The following ANTXR1 variants were observed in gnomAD, a reference collection of about 807,000 sequenced individuals.
ANTXR1 encodes anthrax toxin receptor 1.
Under a neutral mutation model 78.1 loss-of-function variants are expected in ANTXR1, and 19 were observed. That is an observed-to-expected ratio of 0.24 (90% CI 0.17 to 0.36). ANTXR1 has a LOEUF of 0.36. Ranked by LOEUF, ANTXR1 falls within the 10% of genes least tolerant of loss-of-function variation. The probability of loss-of-function intolerance (pLI) is 1.00; values close to 1 mark genes in which losing one functional copy is unlikely to be tolerated. For synonymous variants in ANTXR1, 273 were observed against 260.5 expected (o/e 1.05, Z -0.46); for missense variants, 518 against 718.6 (o/e 0.72, Z 3.19).
intron 13 of ANTXR1, among the ~76,000 whole-genome samples, chr2:69,163,332 CGT>C (rs1486716742): frequency 1.3e-5 from 2 of 151,282 alleles, no homozygotes; most frequent in African/African-American, 4.9e-5. Flanking sequence ...AAGCAATTTG[CGT>C]GGTTCCAAAT....
chr2:69,081,577 T>C (rs1670903352), intron 8 of ANTXR1, among the ~76,000 whole-genome samples: 1 of 152,208 alleles, frequency 6.6e-6, no homozygotes, highest in Non-Finnish European at 1.5e-5. Flanking sequence ...CATTATCCCT[T>C]TTTCCCATAT....
chr2:69,227,854 C>A (rs1573991238), intron 17 of ANTXR1, among the ~76,000 whole-genome samples: 2 of 152,190 alleles, frequency 1.3e-5, no homozygotes, highest in Admixed American at 1.3e-4. Context: ...GCAAAGGAAG[C>A]CACACCCACC....
chr2:69,108,580 G>A lies in ANTXR1; in HGVS notation c.802+5640G>A, dbSNP rs553507949. ...TTTCATCACCCAGGTATTAAGCCTA[G>A]TACCCATTAGTTATTTTTCCTGATC... On this transcript the variant is annotated intron_variant, in intron 10 of 17. Coordinates refer to ENST00000303714, the MANE Select transcript of ANTXR1 (RefSeq NM_032208.3). 3.3e-5 allele frequency among the ~76,000 whole-genome samples: 5 copies of A among 152,196 alleles called. No individual in the cohort carries two copies. In the East Asian group the frequency reaches 9.6e-4, roughly 29 times the overall value.
At chr2:69,223,124 C>T (rs567558296) in intron 17 of ANTXR1, among the ~76,000 whole-genome samples, 31 of 152,302 alleles carry the variant, frequency 2.0e-4, no homozygotes, top group Admixed American at 2.0e-3. Context: ...CAAGTCACCT[C>T]TACTCAGAAG....
intron 9 of ANTXR1, among the ~76,000 whole-genome samples, chr2:69,101,312 C>G (rs1354348453): frequency 6.6e-6 from 1 of 152,162 alleles, no homozygotes; most frequent in Non-Finnish European, 1.5e-5. Flanking sequence ...CAGTGAGTCC[C>G]CCTTTTCGCA....
At chr2:69,027,621 A>AGTGTGTGTGTGTGTGT (rs10631795) in intron 1 of ANTXR1, among the ~76,000 whole-genome samples, 9 of 146,952 alleles carry the variant, frequency 6.1e-5, no homozygotes, top group African/African-American at 2.1e-4. Flanking sequence ...AGATGATGCA[A>AGTGTGTGTGTGTGTGT]GTGTGTGTGT....
intron 17 of ANTXR1, among the ~76,000 whole-genome samples, chr2:69,215,534 T>A (rs1675153984): frequency 6.6e-6 from 1 of 152,270 alleles, no homozygotes; most frequent in Non-Finnish European, 1.5e-5. Context: ...ATCTGGTTTA[T>A]TCACTACTAC....
chr2:69,096,303 AG>A (rs1671410207), intron 9 of ANTXR1, among the ~76,000 whole-genome samples: 1 of 3,346 alleles, frequency 3.0e-4, no homozygotes, highest in African/African-American at 2.2e-3. Context: ...GAAGGGAGGA[AG>A]GGAGGAAGGG....
intron 12 of ANTXR1, chr2:69,146,408 G>T (rs1673227487): frequency 2.0e-6 from 2 of 976,516 alleles, no homozygotes; most frequent in East Asian, 1.1e-4. Context: ...TTGGACTTGG[G>T]TTGATACTTA....
chr2:69,205,851 T>A (rs2104491683), intron 17 of ANTXR1, among the ~76,000 whole-genome samples: 1 of 152,324 alleles, frequency 6.6e-6, no homozygotes, highest in South Asian at 2.1e-4. Context: ...AACACTAAAC[T>A]TTTATTATAA....
chr2:69,024,838 A>C (rs1172764563), intron 1 of ANTXR1, among the ~76,000 whole-genome samples: 1 of 152,000 alleles, frequency 6.6e-6, no homozygotes, highest in East Asian at 1.9e-4. Context: ...CCCTCTCCCC[A>C]CCTTGTATTC....
Position 69,245,382 on chromosome 2 carries a change from C to T in ANTXR1, c.1592C>T (p.Pro531Leu), listed in dbSNP as rs1230879179. 2.6e-6 allele frequency: 4 copies of T among 1,518,492 alleles called. No individual in the cohort carries two copies. The highest frequency in any genetic ancestry group is 2.5e-5 in the South Asian group (2 of 80,470). The allele number at this position is 1,518,492 out of a possible 1,614,324, so 94.1% of individuals were successfully genotyped here. ...CPPPPPSAPT[P>L]PIPSPPSTLP... ...CCCCCGCCCCCCAGCGCCCCTACCC[C>T]TCCCATCCCGTCCCCACCTTCCACC... Residue 531 changes from proline (P) to leucine (L), a missense_variant, in exon 18 of 18, where the codon CCT (proline) becomes CTT (leucine). Transcript: ENST00000303714.
chr2:69,039,174 G>C (rs1480480236), intron 1 of ANTXR1, among the ~76,000 whole-genome samples: 1 of 152,130 alleles, frequency 6.6e-6, no homozygotes. Context: ...AAGGGAGGAG[G>C]CATCACAGCT....
intron 13 of ANTXR1, among the ~76,000 whole-genome samples, chr2:69,161,618 A>G (rs533193159): frequency 6.6e-6 from 1 of 152,204 alleles, no homozygotes; most frequent in Non-Finnish European, 1.5e-5. Flanking sequence ...CTAGCATCTC[A>G]TCTCTCCTGG....
At position 69,073,834 on chromosome 2, in the gene ANTXR1, CTATAGCCT is replaced by C. The variant is rs1405635879; in HGVS notation, c.492+737_492+744del. 3.9e-5 allele frequency among the ~76,000 whole-genome samples: 6 copies of C among 152,166 alleles called. No individual in the cohort carries two copies. The East Asian group carries it at 9.6e-4, about 24-fold the overall frequency. On this transcript the variant is annotated intron_variant, in intron 6 of 17. Coordinates refer to ENST00000303714, the MANE Select transcript of ANTXR1 (RefSeq NM_032208.3). ...AGTTAACCATAGAAATGTACTGAAA[CTATAGCCT>C]TATTAGTGACAAAGGTTCATTCAGG...
At chr2:69,198,405 G>T (rs1674708246) in intron 17 of ANTXR1, among the ~76,000 whole-genome samples, 1 of 151,958 alleles carries the variant, frequency 6.6e-6, no homozygotes, top group African/African-American at 2.4e-5. Flanking sequence ...TTTTCCACTG[G>T]ATATTTTAGT....
At chr2:69,242,333 C>T (rs1675914868) in intron 17 of ANTXR1, among the ~76,000 whole-genome samples, 1 of 152,144 alleles carries the variant, frequency 6.6e-6, no homozygotes, top group African/African-American at 2.4e-5. Context: ...ATGTGAGAGA[C>T]CATCTTTTAG....
At chr2:69,145,646 C>T (rs1264314277) in intron 12 of ANTXR1, 5 of 1,219,398 alleles carry the variant, frequency 4.1e-6, no homozygotes, top group Non-Finnish European at 3.1e-6. Context: ...AGGCAGAATC[C>T]TGGTGCAGAC....
chr2:69,101,657 C>T (rs1346765830), intron 9 of ANTXR1, among the ~76,000 whole-genome samples: 2 of 152,212 alleles, frequency 1.3e-5, no homozygotes, highest in Non-Finnish European at 2.9e-5. Flanking sequence ...TCGAGAGTCC[C>T]ATATACTAAT....
Sources: gnomAD v4.1 joint callset for allele counts (sites outside exome capture counted in the v4.1 genomes callset) on GRCh38, gnomAD v4.1.1 for gene constraint, MANE v1.5 for transcripts, NCBI Gene and HGNC (gene_info 2026-07-23, HGNC 2026-07-21) for gene names.